Variants in TRMO observed in about 807,000 individuals in gnomAD.
TRMO encodes tRNA methyltransferase O, also known as tRNA (adenine(37)-N6)-methyltransferase.
Under a neutral mutation model 37.2 loss-of-function variants are expected in TRMO, and 30 were observed. The observed-to-expected ratio is 0.81, with a 90% CI of 0.60 to 1.09. The LOEUF is 1.09. Among genes scored for constraint, TRMO ranks in the 50% least tolerant of loss-of-function variants. The pLI is 0.00. For synonymous variants in TRMO, 239 were observed against 199.4 expected, an observed-to-expected ratio of 1.20 and a Z score of -1.67; for missense variants, 552 against 549.5, an observed-to-expected ratio of 1.00 and a Z score of -0.05.
chr9:97,920,664 T>C (rs1465597270), intron 1 of TRMO, among the ~76,000 whole-genome samples: 1 of 152,210 alleles, frequency 6.6e-6, no homozygotes, highest in Non-Finnish European at 1.5e-5. Flanking sequence ...AAGCAATCAA[T>C]GTGGGGTTTT....
At chr9:97,913,630 T>C in intron 2 of TRMO, 72 bp from the exon 3 acceptor site, 4 of 1,049,958 alleles carry the variant, frequency 3.8e-6, no homozygotes, top group Admixed American at 2.2e-5. Context: ...AATGATCTGA[T>C]GGGGAAAAAA....
intron 1 of TRMO, among the ~76,000 whole-genome samples, chr9:97,917,383 C>A (rs1826418973): frequency 1.3e-5 from 2 of 152,072 alleles, no homozygotes; most frequent in Non-Finnish European, 2.9e-5. Flanking sequence ...AGCCTACTGC[C>A]CCTCTAGAAT....
intron 4 of TRMO, among the ~76,000 whole-genome samples, chr9:97,906,375 A>G (rs1564104336): frequency 6.6e-6 from 1 of 152,020 alleles, no homozygotes; most frequent in Non-Finnish European, 1.5e-5. Flanking sequence ...GCTCAGCTCA[A>G]GCACTGTTTC....
downstream of TRMO, among the ~76,000 whole-genome samples, chr9:97,899,555 C>T (rs2131506250): frequency 6.6e-6 from 1 of 152,120 alleles, no homozygotes; most frequent in East Asian, 1.9e-4. Flanking sequence ...CCTCCCACCT[C>T]AGCCTCTTGA....
intron 2 of TRMO, among the ~76,000 whole-genome samples, 180 bp downstream of exon 2, chr9:97,915,984 T>C (rs1826341718): frequency 6.6e-6 from 1 of 152,156 alleles, no homozygotes; most frequent in Non-Finnish European, 1.5e-5. Context: ...GAGGTTACAG[T>C]GCGCTGCTAT....
intron 3 of TRMO, chr9:97,910,897 T>C (rs577923388): frequency 2.5e-5 from 14 of 560,162 alleles, no homozygotes; most frequent in Admixed American, 5.1e-5. Context: ...ACAGTCCCCA[T>C]AGAGAAGCCT....
chr9:97,912,708 C>T, intron 3 of TRMO: 1 of 327,566 alleles, frequency 3.1e-6, no homozygotes, highest in Non-Finnish European at 6.1e-6. Flanking sequence ...TCACAACCAG[C>T]AGGCTGAAGC....
intron 3 of TRMO, chr9:97,910,893 C>A: frequency 1.8e-6 from 1 of 570,596 alleles, no homozygotes; most frequent in Admixed American, 2.6e-5. Context: ...TCCTACAGTC[C>A]CCATAGAGAA....
Position 97,913,404 on chromosome 9 carries a change from C to T in TRMO, c.406G>A (p.Glu136Lys). 1 of 1,613,854 alleles carries T rather than the reference C, an allele frequency of 6.2e-7. No homozygotes were observed. The highest frequency in any genetic ancestry group is 1.1e-5 in the South Asian group (1 of 91,076). Residue 136 changes from glutamate (E) to lysine (K), a missense_variant, in exon 3 of 5, where the codon GAA becomes AAA. Coordinates refer to ENST00000375119, the MANE Select transcript of TRMO (RefSeq NM_016481.5). ...GLTLAKLEKV[E>K]GGAIYLSGID... ...AAGTAGAAATGAAATGGGTTACCTTCTACCTTTTCCAGCTTGGCCAGGGTC... is the reference window on the plus strand; with the variant it reads ...AAGTAGAAATGAAATGGGTTACCTTTTACCTTTTCCAGCTTGGCCAGGGTC...
chr9:97,910,492 T>C lies in TRMO; in HGVS notation c.534A>G (p.Leu178=). The stretch of plus-strand genomic sequence containing the variant: ...TGTTTGGTGTATGTTGGTTATTCTG[T>C]AAATTAAAGTCTGCTAAAGGCTCCA... ...NVMEPLADFN[L]QNNQHTPNTV... The change falls in exon 4 of 5, where the codon TTA becomes TTG. Residue 178 remains leucine (L), a synonymous_variant. Transcript: ENST00000375119. 4 of 1,614,204 alleles carry C rather than the reference T, an allele frequency of 2.5e-6. No homozygotes were observed. Among genetic ancestry groups the C allele is most frequent in the Non-Finnish European group, 3.4e-6 (4 of 1,180,042 alleles).
downstream of TRMO, chr9:97,900,728 A>C (rs1831150778): frequency 1.0e-6 from 1 of 972,738 alleles, no homozygotes; most frequent in Non-Finnish European, 1.2e-6. Context: ...AAGTTCAGTA[A>C]GTGATGCAGG....
At chr9:97,915,409 G>C (rs931570536) in intron 2 of TRMO, among the ~76,000 whole-genome samples, 13 of 152,190 alleles carry the variant, frequency 8.5e-5, no homozygotes, top group Non-Finnish European at 1.6e-4. Flanking sequence ...CACGAAAGCA[G>C]CCACAAACAA....
chr9:97,919,412 A>G (rs2131541060), intron 1 of TRMO, among the ~76,000 whole-genome samples: 2 of 150,822 alleles, frequency 1.3e-5, no homozygotes, highest in Middle Eastern at 6.8e-3. Context: ...AGAAAAAGGA[A>G]AGAAAAGAAA....
chr9:97,917,666 T>G (rs1564113124), intron 1 of TRMO, among the ~76,000 whole-genome samples: 2 of 152,054 alleles, frequency 1.3e-5, no homozygotes, highest in African/African-American at 4.8e-5. Flanking sequence ...CCACATGCTG[T>G]GTTTTATTTT....
chr9:97,906,026 T>C (rs1825838469), intron 4 of TRMO, among the ~76,000 whole-genome samples: 2 of 151,938 alleles, frequency 1.3e-5, no homozygotes, highest in Admixed American at 6.6e-5. Context: ...TAGCCAGGTA[T>C]GGTGGCGCAC....
downstream of TRMO, among the ~76,000 whole-genome samples, chr9:97,899,994 C>G (rs1421903279): frequency 6.6e-6 from 1 of 152,054 alleles, no homozygotes; most frequent in Non-Finnish European, 1.5e-5. Flanking sequence ...GAGGTCAAGG[C>G]TGCAGTGAGC....
At chr9:97,909,851 C>T (rs1318229993) in intron 4 of TRMO, 109 bp downstream of exon 4, 3 of 773,580 alleles carry the variant, frequency 3.9e-6, no homozygotes, top group Middle Eastern at 2.8e-4. Flanking sequence ...TTCCTAAAAA[C>T]CAGTCATACT....
At position 97,916,347 on chromosome 9, in the gene TRMO, G is replaced by A; in HGVS notation, c.77-9C>T. The stretch of plus-strand genomic sequence containing the variant: ...CTCAGTTAAAAGATTCCCTACAGGA[G>A]AAAATTAGGTAAAAAGTTATTAGTC... On this transcript the variant is annotated splice_polypyrimidine_tract_variant and intron_variant, in intron 1 of 4. Coordinates refer to ENST00000375119, the MANE Select transcript of TRMO (RefSeq NM_016481.5). 2 of 1,588,962 alleles carry A rather than the reference G, an allele frequency of 1.3e-6. No individual in the cohort carries two copies. Among genetic ancestry groups the A allele is most frequent in the Non-Finnish European group, 1.7e-6 (2 of 1,169,212 alleles).
At chr9:97,898,053 A>G in the TRMO span, among the ~76,000 whole-genome samples, 1 of 152,196 alleles carries the variant, frequency 6.6e-6, no homozygotes, top group African/African-American at 2.4e-5. Flanking sequence ...TCAACACAAC[A>G]TAAACACACA....
Sources: gnomAD v4.1 joint callset for allele counts (sites outside exome capture counted in the v4.1 genomes callset) on GRCh38, gnomAD v4.1.1 for gene constraint, MANE v1.5 for transcripts, NCBI Gene and HGNC (gene_info 2026-07-23, HGNC 2026-07-21) for gene names.